ZFYVE9: variants seen among roughly 807,000 people sequenced by gnomAD.
ZFYVE9 encodes zinc finger FYVE-type containing 9.
ZFYVE9 carries 43 observed loss-of-function variants against 126.7 expected under a neutral mutation model. That is an observed-to-expected ratio of 0.34 (90% CI 0.27 to 0.44). The LOEUF (loss-of-function observed/expected upper bound fraction) is 0.44. Ranked by LOEUF, ZFYVE9 falls within the 20% of genes least tolerant of loss-of-function variation. The probability of loss-of-function intolerance (pLI) is 1.00; values close to 1 mark genes in which losing one functional copy is unlikely to be tolerated. For missense variants in ZFYVE9, 1,476 were observed against 1,697.0 expected (o/e 0.87, Z 2.29); for synonymous variants, 521 against 597.4 (o/e 0.87, Z 1.87).
At chr1:52,241,277 G>A (rs1156564523) in intron 4 of ZFYVE9, among the ~76,000 whole-genome samples, 1 of 152,158 alleles carries the variant, frequency 6.6e-6, no homozygotes, top group East Asian at 1.9e-4. Flanking sequence ...TAGCACAAAA[G>A]AACCAAATTA....
At chr1:52,203,890 G>T (rs918555995) in intron 1 of ZFYVE9, among the ~76,000 whole-genome samples, 12 of 151,922 alleles carry the variant, frequency 7.9e-5, no homozygotes, top group Admixed American at 7.2e-4. Flanking sequence ...TCGTGTTTTT[G>T]ATCTCTAGCA....
intron 1 of ZFYVE9, among the ~76,000 whole-genome samples, chr1:52,144,180 A>G (rs900628299): frequency 2.6e-5 from 4 of 152,134 alleles, no homozygotes; most frequent in Admixed American, 6.5e-5. Context: ...ATTAGCTGGC[A>G]TGGTGGTGCC....
intron 1 of ZFYVE9, among the ~76,000 whole-genome samples, chr1:52,182,912 A>T (rs948840280): frequency 2.6e-5 from 4 of 152,234 alleles, no homozygotes; most frequent in Non-Finnish European, 4.4e-5. Context: ...ATTTTTTGAC[A>T]TATAACTATA....
intron 1 of ZFYVE9, among the ~76,000 whole-genome samples, chr1:52,198,138 T>TTTTAGA (rs1644882060): frequency 6.8e-6 from 1 of 146,114 alleles, no homozygotes; most frequent in Non-Finnish European, 1.5e-5. Context: ...TTTTTTTTTT[T>TTTTAGA]TGAGATGGAG....
In ZFYVE9 at chr1:52,340,355, G is replaced by A. The variant is rs979189950; in HGVS notation, c.3939+124G>A. The A allele has an allele frequency of 3.9e-5, 27 of 690,318 alleles. No homozygotes were observed. The East Asian group carries it at 4.3e-4, about 11-fold the overall frequency. 42.8% of individuals were successfully genotyped at this position (690,318 alleles called of 1,614,324 possible). On this transcript the variant is annotated intron_variant, in intron 17 of 18. Transcript: ENST00000287727. ...AATATCTCTGAGAAAAATCTTTCTC[G>A]TTTATACTACAATTCCTATCTGAAA...
Position 52,337,758 on chromosome 1 carries a change from G to A in ZFYVE9, c.3671-14G>A. 1 of 1,613,434 alleles carries A rather than the reference G, an allele frequency of 6.2e-7. No individual in the cohort carries two copies. The highest frequency in any genetic ancestry group is 8.5e-7 in the Non-Finnish European group (1 of 1,179,474). ...TTTCATTTGCCTCTCCTTTGGCTTT[G>A]TACTGATTCTTAGATGGTGTTATGG... On this transcript the variant is annotated splice_polypyrimidine_tract_variant and intron_variant, in intron 15 of 18. Coordinates refer to ENST00000287727, the MANE Select transcript of ZFYVE9 (RefSeq NM_004799.4).
At chr1:52,230,211 G>GA (rs1312299279) in intron 2 of ZFYVE9, among the ~76,000 whole-genome samples, 1 of 152,052 alleles carries the variant, frequency 6.6e-6, no homozygotes, top group Non-Finnish European at 1.5e-5. Context: ...AGGCAAAAAG[G>GA]AAAAAACTCA....
chr1:52,281,202 G>A (rs138826728), intron 9 of ZFYVE9, among the ~76,000 whole-genome samples: 4,857 of 147,470 alleles, frequency 0.033, 116 homozygotes, highest in Non-Finnish European at 0.049. Flanking sequence ...GCTCGATCTC[G>A]GCTCACTGCA....
At chr1:52,217,660 T>C (rs368795504) in intron 2 of ZFYVE9, among the ~76,000 whole-genome samples, 12 of 152,310 alleles carry the variant, frequency 7.9e-5, no homozygotes, top group African/African-American at 2.9e-4. Flanking sequence ...ATTGAGGTCA[T>C]GAGTCCCTTC....
At chr1:52,288,729 A>G (rs1645887724) in intron 10 of ZFYVE9, among the ~76,000 whole-genome samples, 1 of 152,080 alleles carries the variant, frequency 6.6e-6, no homozygotes, top group African/African-American at 2.4e-5. Context: ...GTTTGAGACC[A>G]GCTTGGCCAA....
At chr1:52,255,758 C>T (rs892293059) in intron 4 of ZFYVE9, among the ~76,000 whole-genome samples, 2 of 151,510 alleles carry the variant, frequency 1.3e-5, no homozygotes, top group Admixed American at 6.6e-5. Context: ...CTGGGTATTG[C>T]GGCGCGTACC....
In ZFYVE9 at chr1:52,263,973, C is replaced by T. The variant is rs114272998; in HGVS notation, c.2278+101C>T. Reference sequence around the variant, plus strand: ...CCTGCCTTTCTTTACAAGTTGCTCACCTTCTCAAATGTCATAACTTTAACT... The same window carrying T: ...CCTGCCTTTCTTTACAAGTTGCTCATCTTCTCAAATGTCATAACTTTAACT... On this transcript the variant is annotated intron_variant, in intron 5 of 18. Transcript: ENST00000287727. 1.9e-3 allele frequency: 1,134 copies of T among 596,034 alleles called. 18 individuals are homozygous for T. The African/African-American group carries it at 0.021, about 11-fold the overall frequency. 36.9% of individuals were successfully genotyped at this position (596,034 alleles called of 1,614,324 possible). A position where few individuals can be genotyped will look rare whatever the true frequency, so the allele number is the denominator to read the frequency against.
At chr1:52,300,119 CCA>C (rs1217996271) in intron 12 of ZFYVE9, among the ~76,000 whole-genome samples, 6 of 152,152 alleles carry the variant, frequency 3.9e-5, no homozygotes, top group Non-Finnish European at 7.3e-5. Flanking sequence ...ATCTGGTGCT[CCA>C]CAGGAATTTC....
intron 1 of ZFYVE9, chr1:52,180,698 G>A (rs918749925): frequency 2.0e-5 from 7 of 346,976 alleles, no homozygotes; most frequent in East Asian, 7.3e-5. Flanking sequence ...TTGCTGGGCC[G>A]GGCGCGGTGG....
At chr1:52,320,739 A>G (rs1043794024) in intron 13 of ZFYVE9, among the ~76,000 whole-genome samples, 2 of 152,202 alleles carry the variant, frequency 1.3e-5, no homozygotes, top group African/African-American at 2.4e-5. Context: ...AGGGAACCAT[A>G]TATTACAAAG....
intron 1 of ZFYVE9, among the ~76,000 whole-genome samples, chr1:52,208,643 C>T (rs1448333417): frequency 2.0e-5 from 3 of 152,034 alleles, no homozygotes; most frequent in East Asian, 1.9e-4. Flanking sequence ...AGGTGATTCT[C>T]CTGCCTTAGC....
At chr1:52,281,619 G>C in intron 9 of ZFYVE9, 42 bp from the exon 10 acceptor site, 1 of 1,605,578 alleles carries the variant, frequency 6.2e-7, no homozygotes, top group Non-Finnish European at 8.5e-7. Context: ...AGTAAGGATT[G>C]ATAGGAATGT....
chr1:52,202,741 A>G (rs1403606475), intron 1 of ZFYVE9, among the ~76,000 whole-genome samples: 1 of 151,936 alleles, frequency 6.6e-6, no homozygotes, highest in Non-Finnish European at 1.5e-5. Flanking sequence ...GCTGGAGTGC[A>G]GTGGCACGAT....
intron 3 of ZFYVE9, among the ~76,000 whole-genome samples, chr1:52,233,572 C>CTAG (rs1435130853): frequency 6.6e-6 from 1 of 152,160 alleles, no homozygotes; most frequent in Non-Finnish European, 1.5e-5. Context: ...CAGTGTGACA[C>CTAG]TAGAGCCTGA....
Sources: allele counts gnomAD v4.1 joint callset (sites outside exome capture counted in the v4.1 genomes callset), GRCh38; gene constraint gnomAD v4.1.1; transcripts MANE v1.5; gene names NCBI Gene and HGNC (gene_info 2026-07-23, HGNC 2026-07-21).